Variants in SNRNP200 observed in about 807,000 individuals in gnomAD.
SNRNP200 encodes the protein U5 small nuclear ribonucleoprotein 200 kDa helicase.
A neutral mutation model predicts 255.2 loss-of-function variants in SNRNP200; 66 were observed. That is an observed-to-expected ratio of 0.26 (90% confidence interval 0.21 to 0.32). The LOEUF (loss-of-function observed/expected upper bound fraction) is 0.32. Ranked by LOEUF, SNRNP200 falls within the 10% of genes least tolerant of loss-of-function variation. SNRNP200 has a pLI of 1.00. For synonymous variants in SNRNP200, 939 were observed against 1,027.8 expected, an observed-to-expected ratio of 0.91 and a Z score of 1.65; for missense variants, 1,585 against 2,749.8, an observed-to-expected ratio of 0.58 and a Z score of 9.47.
intron 5 of SNRNP200, among the ~76,000 whole-genome samples, chr2:96,299,801 C>T: frequency 6.6e-6 from 1 of 152,174 alleles, no homozygotes; most frequent in Non-Finnish European, 1.5e-5. Context: ...TCGCACTTAG[C>T]CTGCTCACCA....
chr2:96,295,121 A>G (rs1411175000), intron 14 of SNRNP200, among the ~76,000 whole-genome samples: 1 of 152,136 alleles, frequency 6.6e-6, no homozygotes, highest in African/African-American at 2.4e-5. Flanking sequence ...AGGCAGGAGA[A>G]TTGCTTGAAC....
Position 96,304,848 on chromosome 2 carries a change from T to C in SNRNP200, c.66A>G (p.Gln22=), listed in dbSNP as rs370310314. 1 of 1,614,178 alleles carries C rather than the reference T, an allele frequency of 6.2e-7. No individual in the cohort carries two copies. Among genetic ancestry groups the C allele is most frequent in the Non-Finnish European group, 8.5e-7 (1 of 1,180,036 alleles). The part of the protein sequence containing the change: ...EYKANSNLVL[Q]ADRSLIDRTR... ...TCCGGTCAATGAGAGAACGGTCAGC[T>C]TGGAGCACAAGATTCGAGTTCTGAA... Residue 22 remains glutamine (Q), a synonymous_variant, in exon 2 of 45, where the codon CAA becomes CAG. Coordinates refer to ENST00000323853, the MANE Select transcript of SNRNP200 (RefSeq NM_014014.5).
chr2:96,292,990 T>C lies in SNRNP200; in HGVS notation c.2142A>G (p.Glu714=). The C allele has an allele frequency of 6.2e-7, 1 of 1,614,180 alleles. No homozygotes were observed. The highest frequency in any genetic ancestry group is 8.5e-7 in the Non-Finnish European group (1 of 1,180,034). The part of the protein sequence containing the change: ...MNEIVYEKIM[E]HAGKNQVLVF... ...GGCAAACCTGATTTTTTCCAGCATG[T>C]TCCATGATTTTTTCATAGACGATTT... The change falls in exon 16 of 45, where the codon GAA becomes GAG. Residue 714 remains glutamate, a synonymous_variant. Coordinates refer to ENST00000323853, the MANE Select transcript of SNRNP200 (RefSeq NM_014014.5).
Position 96,297,522 on chromosome 2 carries a change from C to A in SNRNP200, c.1218G>T (p.Arg406=). ...LDQGGEALAP[R]QVLDLEDLVF... is the part of the protein sequence containing the mutation. The stretch of plus-strand genomic sequence containing the variant: ...CCAGGTCCTCCAAGTCCAGAACCTG[C>A]CGTGGAGCCAGTGCCTGGGAATGTG... Residue 406 remains arginine, a synonymous_variant, in exon 11 of 45, where the codon CGG becomes CGT. Transcript: ENST00000323853. 2 of 1,614,090 alleles carry A rather than the reference C, an allele frequency of 1.2e-6. No individual in the cohort carries two copies. Among genetic ancestry groups the A allele is most frequent in the South Asian group, 2.2e-5 (2 of 91,066 alleles).
rs1041072975 is a variant in SNRNP200 at position 96,286,941 on chromosome 2, C to T, written c.3640-64G>A. The T allele has an allele frequency of 3.7e-6, 6 of 1,613,898 alleles. No individual in the cohort carries two copies. In the Admixed American group the frequency reaches 1.0e-4, roughly 27 times the overall value. ...CGTAGACTGAGTGCCTCCAATCCAT[C>T]TCCTCGGCCCAGCAACGTAGACTGA... On this transcript the variant is annotated intron_variant, in intron 27 of 44. Coordinates refer to ENST00000323853, the MANE Select transcript of SNRNP200 (RefSeq NM_014014.5). This position sits in a 1 kb window ranked among gnomAD's most constrained non-coding sequence, Gnocchi z 4.8.
intron 3 of SNRNP200, 139 bp downstream of exon 3, chr2:96,303,020 C>T: frequency 4.4e-6 from 4 of 913,174 alleles, no homozygotes; most frequent in South Asian, 1.3e-5. Context: ...TTCTGAACTA[C>T]CTAAGTGCTG....
At chr2:96,293,280 C>A in intron 15 of SNRNP200, 36 bp downstream of exon 15, 1 of 1,604,776 alleles carries the variant, frequency 6.2e-7, no homozygotes, top group South Asian at 1.1e-5. Context: ...GCAGGATGGT[C>A]ACCTTGGCAG....
At position 96,284,285 on chromosome 2, in the gene SNRNP200, A is replaced by T. The variant is rs1311770569; in HGVS notation, c.4392+73T>A. ...GCCCCGAGCCTCCGTCCTCAGACCC[A>T]AACATTAGGTCCAATGCCAAGGCCA... is the stretch of plus-strand genomic sequence containing the variant. On this transcript the variant is annotated intron_variant, in intron 31 of 44. Transcript: ENST00000323853. The T allele has an allele frequency of 2.2e-6, 3 of 1,365,998 alleles. No homozygotes were observed. In the South Asian group the frequency reaches 3.5e-5, roughly 16 times the overall value. The allele number at this position is 1,365,998 out of a possible 1,614,324, so 84.6% of individuals were successfully genotyped here.
At chr2:96,279,991 T>C (rs1419170342) in intron 35 of SNRNP200, among the ~76,000 whole-genome samples, 2 of 152,084 alleles carry the variant, frequency 1.3e-5, no homozygotes, top group Non-Finnish European at 2.9e-5. Context: ...CTGCAGCCTT[T>C]ACCTCCTAGG....
Position 96,277,950 on chromosome 2 carries a change from A to C in SNRNP200, c.5611T>G (p.Leu1871Val). 6.2e-7 allele frequency: 1 copy of C among 1,614,246 alleles called. No homozygotes were observed. The highest frequency in any genetic ancestry group is 8.5e-7 in the Non-Finnish European group (1 of 1,180,040). Residue 1871 changes from leucine (L) to valine (V), a missense_variant and splice_region_variant, in exon 40 of 45, where the codon TTG becomes GTG. Physicochemically the swap from Leu to Val is conservative, Grantham distance 32. Around this residue, in one of 9 missense-constraint regions of SNRNP200, gnomAD observed 279 missense variants for 551.2 expected, o/e 0.51. Coordinates refer to ENST00000323853, the MANE Select transcript of SNRNP200 (RefSeq NM_014014.5). This position sits in a 1 kb window ranked among gnomAD's most constrained non-coding sequence, Gnocchi z 4.4. The stretch of plus-strand genomic sequence containing the variant: ...AGCTTGTGGGGGACCTTCTGAGCCA[A>C]CTACAAAGTGGAAGAAAAATAGCTG... ...RHHEDNLLRQ[L>V]AQKVPHKLNN...
rs376605359 is a variant in SNRNP200, at chr2:96,284,594, C to T, written c.4165-9G>A. 437 of 1,602,044 alleles carry T rather than the reference C, an allele frequency of 2.7e-4. 1 individual carries two copies. The highest frequency in any genetic ancestry group is 3.7e-4 in the Non-Finnish European group (429 of 1,169,236). ...TACCAGTCCATGTATACCTGGCGGG[C>T]AGAGGAGGGAGGCAGAACAACACTA... is the stretch of plus-strand genomic sequence containing the variant. On this transcript the variant is annotated splice_polypyrimidine_tract_variant and intron_variant, in intron 30 of 44. Coordinates refer to ENST00000323853, the MANE Select transcript of SNRNP200 (RefSeq NM_014014.5).
intron 14 of SNRNP200, among the ~76,000 whole-genome samples, chr2:96,294,152 A>G (rs2063901800): frequency 6.9e-6 from 1 of 144,780 alleles, no homozygotes; most frequent in African/African-American, 2.5e-5. Flanking sequence ...AAAAAAAAAA[A>G]GCCGGGGGCA....
chr2:96,276,479 T>C (rs182298311), intron 43 of SNRNP200: 2 of 236,932 alleles, frequency 8.4e-6, no homozygotes, highest in Admixed American at 9.8e-5. Context: ...TGGTGTGCAG[T>C]GGGGCAATCT....
chr2:96,282,108 G>A (rs557520169), intron 34 of SNRNP200, 186 bp from the exon 35 acceptor site: 123 of 590,102 alleles, frequency 2.1e-4, no homozygotes, highest in Non-Finnish European at 3.6e-4. Flanking sequence ...CACGCTGCTG[G>A]TGCCTTGCTC....
Position 96,283,112 on chromosome 2 carries a change from A to C in SNRNP200, c.4915+89T>G. The C allele has an allele frequency of 3.3e-6, 5 of 1,503,870 alleles. No individual in the cohort carries two copies. Among genetic ancestry groups the C allele is most frequent in the Non-Finnish European group, 4.6e-6 (5 of 1,088,406 alleles). 93.2% of individuals were successfully genotyped at this position (1,503,870 alleles called of 1,614,324 possible). ...ATTTTGAAAATCTCTGGTATGCTGT[A>C]GAGAAAACACTGCCACCCGCACCCC... On this transcript the variant is annotated intron_variant, in intron 34 of 44. Coordinates refer to ENST00000323853, the MANE Select transcript of SNRNP200 (RefSeq NM_014014.5). This position sits in a 1 kb window ranked among gnomAD's most constrained non-coding sequence, Gnocchi z 4.7.
chr2:96,275,137 C>T lies in SNRNP200; in HGVS notation c.6286G>A (p.Ala2096Thr). ...QKAKVKLDFVAPATGAHNYTL... is the reference protein window; with the variant it reads ...QKAKVKLDFVTPATGAHNYTL... ...TAGTTGTGGGCACCAGTGGCTGGGG[C>T]CACAAAGTCCAACTTCACCTAGAAA... The change falls in exon 45 of 45, where the codon GCC (alanine) becomes ACC (threonine). Residue 2096 changes from alanine to threonine, a missense_variant. By Grantham distance (58) the Ala-to-Thr change is moderately conservative. Transcript: ENST00000323853. 1 of 1,614,160 alleles carries T rather than the reference C, an allele frequency of 6.2e-7. No individual in the cohort carries two copies. The highest frequency in any genetic ancestry group is 1.1e-5 in the South Asian group (1 of 91,082).
chr2:96,279,667 A>G, intron 35 of SNRNP200, 108 bp from the exon 36 acceptor site: 1 of 714,548 alleles, frequency 1.4e-6, no homozygotes, highest in South Asian at 1.5e-5. Context: ...ATACGGGGAG[A>G]CACGGACAAA....
At position 96,291,375 on chromosome 2, in the gene SNRNP200, G is replaced by A. The variant is rs188714908; in HGVS notation, c.2421+17C>T. On this transcript the variant is annotated intron_variant, in intron 18 of 44. Coordinates refer to ENST00000323853, the MANE Select transcript of SNRNP200 (RefSeq NM_014014.5). The surrounding 1 kb of genome is among the most constrained non-coding windows in gnomAD (Gnocchi z 4.2). ...GTATGTCCCACCTGCTCCTCCAAACGCTTTGCACCCCCTCACCTGAATATG... is the reference window on the plus strand; with the variant it reads ...GTATGTCCCACCTGCTCCTCCAAACACTTTGCACCCCCTCACCTGAATATG... The A allele has an allele frequency of 1.5e-5, 21 of 1,415,894 alleles. No homozygotes were observed. Among genetic ancestry groups the A allele is most frequent in the East Asian group, 1.1e-4 (5 of 43,886 alleles). 87.7% of individuals were successfully genotyped at this position (1,415,894 alleles called of 1,614,324 possible).
chr2:96,281,563 G>C (rs763631412), intron 35 of SNRNP200: 41 of 481,506 alleles, frequency 8.5e-5, no homozygotes, highest in Non-Finnish European at 1.5e-4. Flanking sequence ...ATGACGTAAC[G>C]TCAAACATTC....
Sources: allele counts gnomAD v4.1 joint callset (sites outside exome capture counted in the v4.1 genomes callset), GRCh38; gene constraint gnomAD v4.1.1; regional missense constraint gnomAD v4.1.1; non-coding constraint Gnocchi (gnomAD v3.1); transcripts MANE v1.5; gene names NCBI Gene and HGNC (gene_info 2026-07-23, HGNC 2026-07-21).